The following PCDHGB4 variants were observed in gnomAD, a reference collection of about 807,000 sequenced individuals.
PCDHGB4 encodes the protein protocadherin gamma subfamily B, 4, also known as protocadherin gamma-B4.
PCDHGB4 carries 38 observed loss-of-function variants against 60.5 expected under a neutral mutation model. The ratio of observed to expected loss-of-function variants is 0.63; its 90% confidence interval spans 0.48 to 0.82. The LOEUF is 0.82. PCDHGB4 is among the 40% of genes least tolerant of loss of function. The pLI, the probability that PCDHGB4 is intolerant of heterozygous loss-of-function variation, is 0.00. For synonymous variants in PCDHGB4, 456 were observed against 509.7 expected (o/e 0.89, Z 1.42); for missense variants, 1,109 against 1,209.6 (o/e 0.92, Z 1.23).
rs755580542 is a variant in PCDHGB4, at chr5:141,389,245, C to A, written c.1361C>A (p.Ser454Tyr). ...AACGCTCCGGTTTTCTCACAGTCTT[C>A]CTATATAGTCCACGTGGCCGAGAAC... Reference protein sequence around the residue: ...NDNAPVFSQSSYIVHVAENNP... With the variant: ...NDNAPVFSQSYYIVHVAENNP... Residue 454 changes from serine to tyrosine, a missense_variant, in exon 1 of 4, where the codon TCC (serine) becomes TAC (tyrosine). This residue lies in a region of PCDHGB4 where 1,068 missense variants were observed against 1,089.9 expected (regional missense o/e 0.98). Transcript: ENST00000519479. The A allele has an allele frequency of 3.7e-6, 6 of 1,613,950 alleles. No individual in the cohort carries two copies. Among genetic ancestry groups the A allele is most frequent in the Non-Finnish European group, 5.1e-6 (6 of 1,179,914 alleles).
chr5:141,441,797 G>A, intron 1 of PCDHGB4: 2 of 386,536 alleles, frequency 5.2e-6, no homozygotes, highest in Non-Finnish European at 1.0e-5. Context: ...ACAACGCACC[G>A]CGGGTGCTGT....
At chr5:141,408,438 C>G (rs749271632) in intron 1 of PCDHGB4, 8 of 1,613,896 alleles carry the variant, frequency 5.0e-6, no homozygotes, top group Non-Finnish European at 5.9e-6. Flanking sequence ...AGCGTAGACG[C>G]GGAGAGCGGG....
At chr5:141,479,470 T>G (rs2099497188) in intron 1 of PCDHGB4, 1 of 152,250 alleles carries the variant, frequency 6.6e-6, no homozygotes, top group African/African-American at 2.4e-5. Context: ...CAGTGACCTC[T>G]TGGGAGGGCA....
chr5:141,421,149 C>T (rs1030911066), intron 1 of PCDHGB4: 1 of 1,086,106 alleles, frequency 9.2e-7, no homozygotes, highest in Non-Finnish European at 1.3e-6. Context: ...ATGTAGTCGG[C>T]CTAGGACTTC....
At chr5:141,433,358 C>CCTGCCTAT (rs1554125966) in intron 1 of PCDHGB4, 1 of 498,106 alleles carries the variant, frequency 2.0e-6, no homozygotes, top group Non-Finnish European at 3.5e-6. Flanking sequence ...CTACTGTCTG[C>CCTGCCTAT]CTATCTATCT....
chr5:141,508,043 T>A (rs2099865910), intron 3 of PCDHGB4: 1 of 152,252 alleles, frequency 6.6e-6, no homozygotes, highest in Non-Finnish European at 1.5e-5. Context: ...CAGCCAGCTG[T>A]GTTCCAGCTA....
intron 1 of PCDHGB4, among the ~76,000 whole-genome samples, chr5:141,445,248 T>C (rs1264046214): frequency 6.6e-6 from 1 of 152,224 alleles, no homozygotes; most frequent in African/African-American, 2.4e-5. Flanking sequence ...CACTATATTG[T>C]GTGAGAATAT....
intron 1 of PCDHGB4, among the ~76,000 whole-genome samples, chr5:141,458,883 C>A (rs1171747288): frequency 6.6e-6 from 1 of 152,136 alleles, no homozygotes; most frequent in East Asian, 1.9e-4. Flanking sequence ...CAGGCATGCA[C>A]ACCATGCGCA....
chr5:141,388,773 G>C lies in PCDHGB4; in HGVS notation c.889G>C (p.Gly297Arg). The change falls in exon 1 of 4, where the codon GGG becomes CGG. Residue 297 changes from glycine (G) to arginine (R), a missense_variant. Coordinates refer to ENST00000519479, the MANE Select transcript of PCDHGB4 (RefSeq NM_003736.4). ...ITQFDLNSNT[G>R]EITVLNTLDF... is the part of the protein sequence containing the mutation. ...CCAATTTGACCTGAACTCTAACACC[G>C]GGGAAATTACTGTTTTAAATACATT... The C allele has an allele frequency of 2.5e-6, 4 of 1,613,808 alleles. No individual in the cohort carries two copies. Among genetic ancestry groups the C allele is most frequent in the Non-Finnish European group, 3.4e-6 (4 of 1,179,764 alleles).
At chr5:141,420,722 A>G (rs1428516588) in intron 1 of PCDHGB4, among the ~76,000 whole-genome samples, 1 of 152,226 alleles carries the variant, frequency 6.6e-6, no homozygotes, top group African/African-American at 2.4e-5. Context: ...CGTTCCTTTC[A>G]GTCGGTTAAA....
intron 2 of PCDHGB4, among the ~76,000 whole-genome samples, chr5:141,500,359 C>T (rs2099799599): frequency 6.6e-6 from 1 of 152,032 alleles, no homozygotes; most frequent in Non-Finnish European, 1.5e-5. Flanking sequence ...CAGGCGCCCA[C>T]TACCACGCCC....
At chr5:141,415,036 T>C (rs772612744) in intron 1 of PCDHGB4, 1 of 1,613,526 alleles carries the variant, frequency 6.2e-7, no homozygotes, top group Admixed American at 1.7e-5. Context: ...GCCGGGACTC[T>C]TCGCGGTGGG....
In PCDHGB4 at chr5:141,419,061, A is replaced by G. The variant is rs747692559; in HGVS notation, c.2397+28780A>G. 5.0e-6 allele frequency: 8 copies of G among 1,613,964 alleles called. No homozygotes were observed. In the Admixed American group the frequency reaches 1.3e-4, roughly 27 times the overall value. ...AAGATTCATTCTTCTTCTAATAATT[A>G]CTACAAGCTAGTAACAGATGAGGCC... On this transcript the variant is annotated intron_variant, in intron 1 of 3. Transcript: ENST00000519479.
chr5:141,433,076 C>T, intron 1 of PCDHGB4: 1 of 1,614,188 alleles, frequency 6.2e-7, no homozygotes, highest in Non-Finnish European at 8.5e-7. Context: ...CTTCCCCCAG[C>T]CCAACTATGC....
intron 2 of PCDHGB4, among the ~76,000 whole-genome samples, chr5:141,495,645 C>T (rs2099762719): frequency 6.6e-6 from 1 of 152,208 alleles, no homozygotes; most frequent in South Asian, 2.1e-4. Context: ...CATTTGTCTA[C>T]TTGCATTGAT....
chr5:141,438,895 A>C (rs2098073582), intron 1 of PCDHGB4, among the ~76,000 whole-genome samples: 1 of 151,640 alleles, frequency 6.6e-6, no homozygotes, highest in Non-Finnish European at 1.5e-5. Flanking sequence ...TGAACTCCTG[A>C]CCTCAGGTGA....
intron 1 of PCDHGB4, chr5:141,393,788 G>A (rs2092844033): frequency 6.2e-7 from 1 of 1,613,938 alleles, no homozygotes. Context: ...AAGATGTGGG[G>A]GCACTTCTGG....
chr5:141,461,429 T>A lies in PCDHGB4; in HGVS notation c.2398-33378T>A, dbSNP rs193056679. On this transcript the variant is annotated intron_variant, in intron 1 of 3. Coordinates refer to ENST00000519479, the MANE Select transcript of PCDHGB4 (RefSeq NM_003736.4). The stretch of plus-strand genomic sequence containing the variant: ...TTTTCATATGTTTGTGGGCCATTTG[T>A]ATACCTTCTTTTGAGAAATGGCTAT... Among the ~76,000 whole-genome samples the A allele has an allele frequency of 5.6e-4, 85 of 152,328 alleles. 1 individual carries two copies. The highest frequency in any genetic ancestry group is 1.5e-3 in the African/African-American group (64 of 41,580).
At chr5:141,397,706 T>G (rs2093559040) in intron 1 of PCDHGB4, among the ~76,000 whole-genome samples, 1 of 152,246 alleles carries the variant, frequency 6.6e-6, no homozygotes, top group African/African-American at 2.4e-5. Flanking sequence ...CAACGTGATA[T>G]TTCTAACAAT....
Sources: gnomAD v4.1 joint callset for allele counts (sites outside exome capture counted in the v4.1 genomes callset) on GRCh38, gnomAD v4.1.1 for gene constraint, gnomAD v4.1.1 regional missense constraint, MANE v1.5 for transcripts, NCBI Gene and HGNC (gene_info 2026-07-23, HGNC 2026-07-21) for gene names.